Variants in KHDRBS2 observed in about 807,000 individuals in gnomAD.
The protein encoded by KHDRBS2 is KH domain-containing, RNA-binding, signal transduction-associated protein 2.
A neutral mutation model predicts 44.3 loss-of-function variants in KHDRBS2; 26 were observed. That is an observed-to-expected ratio of 0.59 (90% CI 0.43 to 0.81). The LOEUF is 0.81. KHDRBS2 is among the 40% of genes least tolerant of loss of function. The probability of loss-of-function intolerance (pLI) is 0.00; values close to 1 mark genes in which losing one functional copy is unlikely to be tolerated. For missense variants in KHDRBS2, 476 were observed against 433.1 expected (o/e 1.10, Z -0.88); for synonymous variants, 194 against 151.1 (o/e 1.28, Z -2.08).
chr6:62,092,674 T>A (rs370097303), intron 2 of KHDRBS2, among the ~76,000 whole-genome samples: 1 of 152,354 alleles, frequency 6.6e-6, no homozygotes, highest in African/African-American at 2.4e-5. Flanking sequence ...TATGAATTTA[T>A]AAATGACCTT....
chr6:61,746,074 T>C (rs1308685918), intron 6 of KHDRBS2, among the ~76,000 whole-genome samples: 1 of 151,158 alleles, frequency 6.6e-6, no homozygotes, highest in Admixed American at 6.6e-5. Context: ...TTTAGTTTAG[T>C]TTTATTTCAC....
chr6:61,975,144 T>C (rs1468588843), intron 4 of KHDRBS2, among the ~76,000 whole-genome samples: 2 of 152,096 alleles, frequency 1.3e-5, no homozygotes, highest in African/African-American at 4.8e-5. Flanking sequence ...TGTTCTAAAG[T>C]TGGTTATCTT....
the KHDRBS2 span, among the ~76,000 whole-genome samples, chr6:61,555,492 GA>G: frequency 6.6e-6 from 1 of 151,992 alleles, no homozygotes; most frequent in African/African-American, 2.4e-5. Flanking sequence ...TCTATCTTCT[GA>G]ATTCTATTTC....
chr6:62,265,385 A>G (rs1027907515), intron 1 of KHDRBS2, among the ~76,000 whole-genome samples: 17 of 151,904 alleles, frequency 1.1e-4, no homozygotes, highest in African/African-American at 4.1e-4. Context: ...ATAGGCAGAA[A>G]TAACAGGATT....
intron 1 of KHDRBS2, among the ~76,000 whole-genome samples, chr6:62,222,276 G>C (rs1224610558): frequency 6.6e-6 from 1 of 151,802 alleles, no homozygotes; most frequent in Non-Finnish European, 1.5e-5. Flanking sequence ...GTCTTGGGGA[G>C]AATGTATTAC....
chr6:62,195,538 C>A (rs1185512949), intron 1 of KHDRBS2, among the ~76,000 whole-genome samples: 1 of 152,126 alleles, frequency 6.6e-6, no homozygotes, highest in East Asian at 1.9e-4. Flanking sequence ...GAAATAAACA[C>A]ATTTGTTATA....
chr6:61,590,252 G>T, the KHDRBS2 span, among the ~76,000 whole-genome samples: 1 of 152,220 alleles, frequency 6.6e-6, no homozygotes, highest in Non-Finnish European at 1.5e-5. Flanking sequence ...TTATGATGCA[G>T]AATTTCTTGG....
chr6:62,008,542 T>C (rs1779693289), intron 3 of KHDRBS2, among the ~76,000 whole-genome samples: 2 of 152,184 alleles, frequency 1.3e-5, no homozygotes, highest in African/African-American at 4.8e-5. Flanking sequence ...AAGTGGTGTA[T>C]ATACAAGCTA....
chr6:61,955,507 TAC>T (rs1397181908), intron 4 of KHDRBS2, among the ~76,000 whole-genome samples: 8,423 of 84,832 alleles, frequency 0.099, 2,476 homozygotes, highest in African/African-American at 0.15. Context: ...TGTGTATATA[TAC>T]ACATATGTAT....
chr6:61,798,441 A>G (rs1166080478), intron 6 of KHDRBS2, among the ~76,000 whole-genome samples: 1 of 152,160 alleles, frequency 6.6e-6, no homozygotes, highest in African/African-American at 2.4e-5. Context: ...TATGTACACC[A>G]TTAGAGAAGA....
At chr6:62,062,164 C>T (rs1388891833) in intron 2 of KHDRBS2, among the ~76,000 whole-genome samples, 2 of 148,426 alleles carry the variant, frequency 1.3e-5, no homozygotes, top group African/African-American at 2.5e-5. Context: ...CTTAGACTCC[C>T]ACACATTAAT....
Position 61,693,423 on chromosome 6 carries a change from T to C in KHDRBS2, c.952+3772A>G, listed in dbSNP as rs1176955867. ...TCCTCTTACTTTGTCCTTGCTCTAT[T>C]GCCTGCATAGGATATGAGAGCAAGA... On this transcript the variant is annotated intron_variant, in intron 8 of 8. Coordinates refer to ENST00000281156, the MANE Select transcript of KHDRBS2 (RefSeq NM_152688.4). 2.6e-5 allele frequency among the ~76,000 whole-genome samples: 4 copies of C among 152,250 alleles called. No homozygotes were observed. In the East Asian group the frequency reaches 7.8e-4, roughly 30 times the overall value.
rs1198665296 is a variant in KHDRBS2, at chr6:61,836,546, G to A, written c.810+58089C>T. On this transcript the variant is annotated intron_variant, in intron 6 of 8. Transcript: ENST00000281156. ...AATGCTTCCAATAAATAAGAAAAAT[G>A]TGCCTGCAGCATGAAAAATCCTTTG... Among the ~76,000 whole-genome samples the A allele has an allele frequency of 2.6e-5, 4 of 151,990 alleles. No individual in the cohort carries two copies. The East Asian group carries it at 5.8e-4, about 22-fold the overall frequency.
chr6:61,661,179 T>C, the KHDRBS2 span: 1 of 151,954 alleles, frequency 6.6e-6, no homozygotes, highest in African/African-American at 2.4e-5. Context: ...AACAGCTACT[T>C]TATCCATTTA....
chr6:61,809,378 C>T (rs1787732014), intron 6 of KHDRBS2, among the ~76,000 whole-genome samples: 1 of 152,102 alleles, frequency 6.6e-6, no homozygotes, highest in Non-Finnish European at 1.5e-5. Flanking sequence ...CAAGTACATG[C>T]TTTGACATTT....
intron 2 of KHDRBS2, among the ~76,000 whole-genome samples, chr6:62,169,059 A>ATATG (rs1819308303): frequency 7.2e-6 from 1 of 139,626 alleles, no homozygotes; most frequent in South Asian, 2.2e-4. Context: ...ATATATATAT[A>ATATG]TATGTATACA....
rs1788131958 is a variant in KHDRBS2 at position 62,048,123 on chromosome 6, C to CAT, written c.220-130_220-129insAT. 1.2e-5 allele frequency: 5 copies of CAT among 414,684 alleles called. No homozygotes were observed. In the South Asian group the frequency reaches 1.4e-4, roughly 11 times the overall value. The allele number at this position is 414,684 out of a possible 1,614,324, so 25.7% of individuals were successfully genotyped here. A position where few individuals can be genotyped will look rare whatever the true frequency, so the allele number is the denominator to read the frequency against. On this transcript the variant is annotated intron_variant, in intron 2 of 8. Coordinates refer to ENST00000281156, the MANE Select transcript of KHDRBS2 (RefSeq NM_152688.4). ...AGAAGAGAGTCATGCCATAAACATA[C>CAT]ACACACACACACACACACACACACA...
chr6:62,011,055 A>G (rs1305836346), intron 3 of KHDRBS2, among the ~76,000 whole-genome samples: 1 of 152,138 alleles, frequency 6.6e-6, no homozygotes, highest in Non-Finnish European at 1.5e-5. Flanking sequence ...AGAGGTTATT[A>G]TTAAATAATA....
Position 62,181,656 on chromosome 6 carries a change from A to G in KHDRBS2, c.92-4344T>C, listed in dbSNP as rs571973403. Among the ~76,000 whole-genome samples, 6 of 152,084 alleles carry G rather than the reference A, an allele frequency of 3.9e-5. No individual in the cohort carries two copies. In the East Asian group the frequency reaches 1.2e-3, roughly 29 times the overall value. On this transcript the variant is annotated intron_variant, in intron 1 of 8. Transcript: ENST00000281156. Reference sequence around the variant, plus strand: ...ATTCCTTAAAAAAAATTAACCTACCATATGACCTAGTTGTTATGGTCTGAA... The same window carrying G: ...ATTCCTTAAAAAAAATTAACCTACCGTATGACCTAGTTGTTATGGTCTGAA...
Sources: allele counts gnomAD v4.1 joint callset (sites outside exome capture counted in the v4.1 genomes callset), GRCh38; gene constraint gnomAD v4.1.1; transcripts MANE v1.5; gene names NCBI Gene and HGNC (gene_info 2026-07-23, HGNC 2026-07-21).